Variants in NR3C2 observed in about 807,000 individuals in gnomAD.
NR3C2 encodes the protein nuclear receptor subfamily 3 group C member 2, also known as mineralocorticoid receptor.
In NR3C2, 15 loss-of-function variants were observed where a neutral mutation model predicts 86.4. The observed-to-expected ratio is 0.17, with a 90% CI of 0.12 to 0.27. NR3C2 has a LOEUF of 0.27. Among genes scored for constraint, NR3C2 ranks in the 10% least tolerant of loss-of-function variants. The probability of loss-of-function intolerance (pLI) is 1.00; values close to 1 mark genes in which losing one functional copy is unlikely to be tolerated. For synonymous variants in NR3C2, 458 were observed against 450.5 expected (o/e 1.02, Z -0.21); for missense variants, 960 against 1,195.6 (o/e 0.80, Z 2.91).
chr4:148,359,357 T>G (rs547007667), intron 2 of NR3C2, among the ~76,000 whole-genome samples: 1 of 152,308 alleles, frequency 6.6e-6, no homozygotes, highest in African/African-American at 2.4e-5. Context: ...ACATAGTTCT[T>G]ACATGTTCCT....
chr4:148,274,507 T>C (rs543139482), intron 2 of NR3C2, among the ~76,000 whole-genome samples: 66 of 152,046 alleles, frequency 4.3e-4, no homozygotes, highest in Non-Finnish European at 7.1e-4. Flanking sequence ...TGAGAGCTGA[T>C]GGTTTAAAAG....
intron 2 of NR3C2, among the ~76,000 whole-genome samples, chr4:148,323,121 T>C (rs996258818): frequency 1.3e-5 from 2 of 149,498 alleles, no homozygotes; most frequent in African/African-American, 5.0e-5. Flanking sequence ...GCTGCAGGTC[T>C]GTTGGAATAC....
chr4:148,170,613 C>A (rs904928584), intron 4 of NR3C2, among the ~76,000 whole-genome samples: 1 of 152,182 alleles, frequency 6.6e-6, no homozygotes, highest in African/African-American at 2.4e-5. Flanking sequence ...CCTGGACTGG[C>A]CACTCCCCTT....
chr4:148,310,996 G>A lies in NR3C2; in HGVS notation c.1758-50879C>T, dbSNP rs191910767. Among the ~76,000 whole-genome samples, 265 of 152,000 alleles carry A rather than the reference G, an allele frequency of 1.7e-3. 1 individual carries two copies. The highest frequency in any genetic ancestry group is 5.2e-3 in the African/African-American group (213 of 41,338). ...ATCCAATGGATGACTCTCAGTTCTCGCCTTATCTGACCTTATAACCTGCAG... is the reference window on the plus strand; with the variant it reads ...ATCCAATGGATGACTCTCAGTTCTCACCTTATCTGACCTTATAACCTGCAG... On this transcript the variant is annotated intron_variant, in intron 2 of 8. Coordinates refer to ENST00000358102, the MANE Select transcript of NR3C2 (RefSeq NM_000901.5).
chr4:148,443,059 C>G (rs1268296604), upstream of NR3C2: 1 of 807,494 alleles, frequency 1.2e-6, no homozygotes, highest in Admixed American at 6.3e-5. Flanking sequence ...CTCTCCCAGC[C>G]CCTTTCCACT....
chr4:148,134,297 C>T (rs1391631641), intron 6 of NR3C2, among the ~76,000 whole-genome samples: 1 of 152,198 alleles, frequency 6.6e-6, no homozygotes, highest in Non-Finnish European at 1.5e-5. Flanking sequence ...CAGTGACATT[C>T]ATTTCCCACA....
chr4:148,195,019 A>G (rs185962669), intron 3 of NR3C2, among the ~76,000 whole-genome samples, 157 bp from the exon 4 acceptor site: 30 of 152,352 alleles, frequency 2.0e-4, no homozygotes, highest in African/African-American at 7.0e-4. Flanking sequence ...AGAGGAGGAG[A>G]TGGTCAGCTT....
intron 2 of NR3C2, among the ~76,000 whole-genome samples, chr4:148,344,989 T>TG (rs1162351660): frequency 6.6e-6 from 1 of 152,146 alleles, no homozygotes; most frequent in East Asian, 1.9e-4. Flanking sequence ...TGAGAAAACT[T>TG]GGTGTTTTCA....
At chr4:148,384,775 C>T (rs1747180617) in intron 2 of NR3C2, among the ~76,000 whole-genome samples, 1 of 152,106 alleles carries the variant, frequency 6.6e-6, no homozygotes, top group Non-Finnish European at 1.5e-5. Flanking sequence ...TTACTGTTTA[C>T]CATATTTCTC....
intron 2 of NR3C2, among the ~76,000 whole-genome samples, chr4:148,357,636 C>T (rs1020263985): frequency 2.0e-5 from 3 of 152,146 alleles, no homozygotes; most frequent in African/African-American, 7.2e-5. Context: ...ACCAACATGA[C>T]AAGCTTTTAT....
intron 3 of NR3C2, among the ~76,000 whole-genome samples, chr4:148,211,499 A>C (rs1737281411): frequency 6.6e-6 from 1 of 152,216 alleles, no homozygotes; most frequent in Non-Finnish European, 1.5e-5. Flanking sequence ...ATTTATTTTT[A>C]TGTTGCAATT....
intron 2 of NR3C2, among the ~76,000 whole-genome samples, chr4:148,369,353 T>C (rs2126371089): frequency 6.6e-6 from 1 of 152,340 alleles, no homozygotes; most frequent in South Asian, 2.1e-4. Flanking sequence ...TACCATTTCA[T>C]ATTAGCATAC....
intron 2 of NR3C2, among the ~76,000 whole-genome samples, chr4:148,364,255 C>T (rs959406626): frequency 2.0e-5 from 3 of 152,182 alleles, no homozygotes; most frequent in East Asian, 1.9e-4. Context: ...CATACTACTA[C>T]GCTTCAGTGT....
chr4:148,322,060 T>G (rs939725232), intron 2 of NR3C2, among the ~76,000 whole-genome samples: 52 of 152,226 alleles, frequency 3.4e-4, no homozygotes, highest in African/African-American at 1.0e-3. Context: ...AGGAGCTCTT[T>G]TAAGGCAGGC....
intron 8 of NR3C2, among the ~76,000 whole-genome samples, chr4:148,111,646 T>C (rs1732049630): frequency 6.6e-6 from 1 of 152,098 alleles, no homozygotes; most frequent in African/African-American, 2.4e-5. Flanking sequence ...TACTTTGCAA[T>C]AAGAAAAACA....
intron 2 of NR3C2, among the ~76,000 whole-genome samples, chr4:148,304,318 G>A (rs1035847388): frequency 8.1e-5 from 10 of 123,736 alleles, no homozygotes; most frequent in African/African-American, 2.7e-4. Flanking sequence ...AAGGGTAAAA[G>A]TTGTTGTTGC....
chr4:148,412,813 AC>A (rs1748772253), intron 2 of NR3C2, among the ~76,000 whole-genome samples: 1 of 85,792 alleles, frequency 1.2e-5, no homozygotes, highest in South Asian at 4.5e-4. Flanking sequence ...ACACAGGTGC[AC>A]ATGTGCGCAC....
intron 6 of NR3C2, among the ~76,000 whole-genome samples, chr4:148,137,107 G>A (rs1012929280): frequency 6.6e-6 from 1 of 151,842 alleles, no homozygotes; most frequent in Non-Finnish European, 1.5e-5. Flanking sequence ...ACTCTTTTTT[G>A]AACACATTCT....
chr4:148,212,412 C>T (rs778089241), intron 3 of NR3C2, among the ~76,000 whole-genome samples: 20 of 152,206 alleles, frequency 1.3e-4, no homozygotes, highest in Non-Finnish European at 2.8e-4. Context: ...ACTGAGCTAC[C>T]CTCAGCAGTG....
Sources: allele counts gnomAD v4.1 joint callset (sites outside exome capture counted in the v4.1 genomes callset), GRCh38; gene constraint gnomAD v4.1.1; transcripts MANE v1.5; gene names NCBI Gene and HGNC (gene_info 2026-07-23, HGNC 2026-07-21).